The following KIZ variants were observed in gnomAD, a reference collection of about 807,000 sequenced individuals.
KIZ encodes the protein kizuna centrosomal protein.
KIZ carries 68 observed loss-of-function variants against 79.6 expected under a neutral mutation model. That is an observed-to-expected ratio of 0.85 (90% CI 0.70 to 1.05). KIZ has a LOEUF of 1.05. Ranked by LOEUF, KIZ falls within the 50% of genes least tolerant of loss-of-function variation. The probability of loss-of-function intolerance (pLI) is 0.00; values close to 1 mark genes in which losing one functional copy is unlikely to be tolerated. For missense variants in KIZ, 797 were observed against 800.4 expected, an observed-to-expected ratio of 1.00 and a Z score of 0.05; for synonymous variants, 280 against 281.8, an observed-to-expected ratio of 0.99 and a Z score of 0.06.
At chr20:21,149,794 C>G (rs1253501577) in intron 4 of KIZ, among the ~76,000 whole-genome samples, 1 of 152,150 alleles carries the variant, frequency 6.6e-6, no homozygotes, top group East Asian at 1.9e-4. Flanking sequence ...GTGGGGGAAA[C>G]TTGATTGAAA....
At chr20:21,188,325 G>C (rs779904272) in intron 6 of KIZ, among the ~76,000 whole-genome samples, 5 of 152,172 alleles carry the variant, frequency 3.3e-5, no homozygotes, top group Non-Finnish European at 7.3e-5. Flanking sequence ...TCCCCACTCA[G>C]TCTGTTAGCA....
chr20:21,139,678 T>C (rs2032406575), intron 3 of KIZ, among the ~76,000 whole-genome samples: 1 of 152,186 alleles, frequency 6.6e-6, no homozygotes, highest in African/African-American at 2.4e-5. Flanking sequence ...GAATCATCTT[T>C]TGTAATTTTT....
chr20:21,219,826 A>G (rs368566466), intron 9 of KIZ, among the ~76,000 whole-genome samples: 4 of 152,174 alleles, frequency 2.6e-5, no homozygotes, highest in East Asian at 3.9e-4. Flanking sequence ...AGAGTCTGCT[A>G]TCACTTTGAA....
At position 21,126,327 on chromosome 20, in the gene KIZ, C is replaced by T; in HGVS notation, c.89+123C>T. On this transcript the variant is annotated intron_variant, in intron 1 of 12. Transcript: ENST00000619189. ...CCGGGGCCCAGGCCCGCGCGCAACG[C>T]CCCCCAGGCTCCCAGTGGGGCCTGG... The T allele has an allele frequency of 5.1e-6, 3 of 591,466 alleles. No homozygotes were observed. The East Asian group carries it at 1.0e-4, about 21-fold the overall frequency. The allele number at this position is 591,466 out of a possible 1,614,324, so 36.6% of individuals were successfully genotyped here.
intron 9 of KIZ, among the ~76,000 whole-genome samples, chr20:21,220,293 A>G (rs995754912): frequency 6.6e-6 from 1 of 151,834 alleles, no homozygotes; most frequent in Non-Finnish European, 1.5e-5. Flanking sequence ...TCTAACCTTT[A>G]CAACAGTCCT....
chr20:21,227,801 C>CAAA (rs2036706550), intron 9 of KIZ, among the ~76,000 whole-genome samples: 3 of 152,108 alleles, frequency 2.0e-5, no homozygotes, highest in African/African-American at 7.2e-5. Context: ...CAGTACTTTC[C>CAAA]CCTCTGTATG....
intron 11 of KIZ, among the ~76,000 whole-genome samples, 182 bp from the exon 12 acceptor site, chr20:21,244,063 C>T (rs1371350115): frequency 6.6e-6 from 1 of 152,186 alleles, no homozygotes; most frequent in African/African-American, 2.4e-5. Flanking sequence ...TGAGTAGCGA[C>T]CCTCCCGACA....
chr20:21,211,322 A>G (rs2036058943), intron 7 of KIZ, among the ~76,000 whole-genome samples: 1 of 152,156 alleles, frequency 6.6e-6, no homozygotes, highest in African/African-American at 2.4e-5. Context: ...TCATTCCACA[A>G]ATAGTTTGTG....
intron 6 of KIZ, among the ~76,000 whole-genome samples, chr20:21,177,188 A>G (rs1382535308): frequency 6.6e-6 from 1 of 152,156 alleles, no homozygotes; most frequent in Non-Finnish European, 1.5e-5. Context: ...ACTGTTTTCT[A>G]TTTTACACTC....
At chr20:21,188,954 T>A (rs1010240019) in intron 6 of KIZ, among the ~76,000 whole-genome samples, 1 of 151,992 alleles carries the variant, frequency 6.6e-6, no homozygotes, top group African/African-American at 2.4e-5. Context: ...ATGATCCACC[T>A]GCCTCGGCCT....
chr20:21,213,184 G>C (rs1376991717), intron 7 of KIZ, among the ~76,000 whole-genome samples: 7 of 152,186 alleles, frequency 4.6e-5, no homozygotes, highest in Admixed American at 4.6e-4. Context: ...CAGGACTAAA[G>C]GCAGTTGCCT....
intron 6 of KIZ, among the ~76,000 whole-genome samples, chr20:21,169,589 A>G (rs1039520906): frequency 3.9e-5 from 6 of 152,228 alleles, no homozygotes; most frequent in Admixed American, 6.5e-5. Context: ...GTATATACCC[A>G]AAGGATTATA....
chr20:21,138,891 G>A (rs146607560), intron 3 of KIZ: 2 of 148,530 alleles, frequency 1.3e-5, no homozygotes, highest in East Asian at 4.0e-4. Context: ...CCTCTATAAC[G>A]AAGAATGTTT....
chr20:21,173,577 CAAAAAA>C (rs749330317), intron 6 of KIZ, among the ~76,000 whole-genome samples: 3 of 37,328 alleles, frequency 8.0e-5, no homozygotes, highest in East Asian at 1.4e-3. Context: ...GATGCCGTCT[CAAAAAA>C]AAAAAAAAAA....
chr20:21,223,665 C>CTTTT (rs1053285543), intron 9 of KIZ, among the ~76,000 whole-genome samples: 25 of 126,142 alleles, frequency 2.0e-4, no homozygotes, highest in Non-Finnish European at 2.8e-4. Flanking sequence ...CTCTCTCTCT[C>CTTTT]TTTTTTTTTT....
At chr20:21,208,425 T>A (rs1568978128) in intron 7 of KIZ, among the ~76,000 whole-genome samples, 1 of 152,240 alleles carries the variant, frequency 6.6e-6, no homozygotes, top group South Asian at 2.1e-4. Context: ...GGAAATAGGC[T>A]GGACGCGGTG....
chr20:21,217,061 G>A (rs76573500), intron 9 of KIZ, among the ~76,000 whole-genome samples: 2,220 of 152,240 alleles, frequency 0.015, 49 homozygotes, highest in African/African-American at 0.05. Flanking sequence ...TGTAATTCCA[G>A]CAACCTGCCA....
intron 9 of KIZ, among the ~76,000 whole-genome samples, chr20:21,228,220 T>A (rs2036717765): frequency 6.6e-6 from 1 of 152,192 alleles, no homozygotes; most frequent in Admixed American, 6.5e-5. Flanking sequence ...TGCTGTTTTG[T>A]TATGTCTGTG....
intron 6 of KIZ, among the ~76,000 whole-genome samples, chr20:21,180,488 G>A (rs1040271219): frequency 4.6e-5 from 7 of 152,036 alleles, no homozygotes; most frequent in South Asian, 2.1e-4. Flanking sequence ...GCATAGAGCC[G>A]ACTTCAGCCT....
Sources: gnomAD v4.1 joint callset for allele counts (sites outside exome capture counted in the v4.1 genomes callset) on GRCh38, gnomAD v4.1.1 for gene constraint, MANE v1.5 for transcripts, NCBI Gene and HGNC (gene_info 2026-07-23, HGNC 2026-07-21) for gene names.